Variants in CDC25C observed in about 807,000 individuals in gnomAD.
CDC25C encodes the protein M-phase inducer phosphatase 3.
Under a neutral mutation model 52.5 loss-of-function variants are expected in CDC25C, and 48 were observed. The observed-to-expected ratio is 0.91, with a 90% CI of 0.72 to 1.16. The LOEUF (loss-of-function observed/expected upper bound fraction) is 1.16, where lower values mean the gene tolerates loss of function less well. CDC25C is among the 50% of genes most tolerant of loss of function. CDC25C has a pLI of 0.00. For synonymous variants in CDC25C, 187 were observed against 206.5 expected, an observed-to-expected ratio of 0.91 and a Z score of 0.81; for missense variants, 510 against 566.1, an observed-to-expected ratio of 0.90 and a Z score of 1.01.
intron 7 of CDC25C, among the ~76,000 whole-genome samples, chr5:138,313,854 T>A (rs1315220538): frequency 2.0e-5 from 3 of 152,288 alleles, no homozygotes; most frequent in Non-Finnish European, 4.4e-5. Context: ...AACACATCTA[T>A]TCCCGCTGAA....
chr5:138,302,708 A>G (rs1029007222), intron 7 of CDC25C, among the ~76,000 whole-genome samples: 44 of 151,882 alleles, frequency 2.9e-4, no homozygotes, highest in African/African-American at 1.0e-3. Flanking sequence ...TCAAAAAAAA[A>G]AAGTAATTCA....
chr5:138,337,884 G>T, intron 1 of CDC25C: 1 of 1,115,662 alleles, frequency 9.0e-7, no homozygotes, highest in Non-Finnish European at 1.2e-6. Flanking sequence ...TGCGTGACGC[G>T]GCCCGAACCG....
exon 1 of CDC25C, chr5:138,338,232 C>G: frequency 8.2e-7 from 1 of 1,222,380 alleles, no homozygotes; most frequent in Non-Finnish European, 1.1e-6. Flanking sequence ...GCGCCAGCGC[C>G]TTTTAAGGGC....
At chr5:138,303,048 AAG>A (rs1430961079) in intron 7 of CDC25C, among the ~76,000 whole-genome samples, 2 of 152,156 alleles carry the variant, frequency 1.3e-5, no homozygotes, top group Non-Finnish European at 2.9e-5. Flanking sequence ...CAGCCTGGGC[AAG>A]AGAGTGAGAC....
intron 7 of CDC25C, among the ~76,000 whole-genome samples, chr5:138,304,694 G>T (rs770471380): frequency 5.9e-5 from 9 of 151,898 alleles, no homozygotes; most frequent in Non-Finnish European, 1.2e-4. Flanking sequence ...TTTTAGTAGT[G>T]ATGAGGTTTT....
At chr5:138,317,482 C>T (rs921415837) in intron 7 of CDC25C, among the ~76,000 whole-genome samples, 1 of 151,880 alleles carries the variant, frequency 6.6e-6, no homozygotes, top group Non-Finnish European at 1.5e-5. Flanking sequence ...GAGTTTGAGA[C>T]TAGCCTGGGC....
At chr5:138,319,885 AT>A (rs747075831) in intron 6 of CDC25C, among the ~76,000 whole-genome samples, 4 of 152,246 alleles carry the variant, frequency 2.6e-5, no homozygotes, top group Non-Finnish European at 4.4e-5. Context: ...GTGTTTGTGC[AT>A]TGCTGGTGGG....
intron 7 of CDC25C, among the ~76,000 whole-genome samples, chr5:138,297,837 T>A (rs1172795141): frequency 6.6e-6 from 1 of 152,160 alleles, no homozygotes; most frequent in Non-Finnish European, 1.5e-5. Context: ...GGGAAGTCTG[T>A]CAGGAAAGGT....
chr5:138,321,750 CAAAAAAAAAAAAA>C (rs531353746), intron 6 of CDC25C, among the ~76,000 whole-genome samples: 18 of 47,166 alleles, frequency 3.8e-4, no homozygotes, highest in Non-Finnish European at 4.8e-4. Context: ...GACTCTGTCT[CAAAAAAAAAAAAA>C]AAAAAAAAAA....
At chr5:138,325,680 T>G in intron 6 of CDC25C, 135 bp downstream of exon 6, 1 of 650,008 alleles carries the variant, frequency 1.5e-6, no homozygotes, top group South Asian at 2.1e-5. Context: ...ACAAAGAAAT[T>G]TTCTCCCCTA....
chr5:138,286,374 T>C (rs757864344), intron 12 of CDC25C, 123 bp downstream of exon 12: 15 of 1,136,986 alleles, frequency 1.3e-5, no homozygotes, highest in Middle Eastern at 3.0e-4. Flanking sequence ...TAGAAACGTC[T>C]TCCTTCAACC....
chr5:138,331,201 G>T lies in CDC25C; in HGVS notation c.-21C>A. The T allele has an allele frequency of 1.2e-6, 2 of 1,612,562 alleles. No homozygotes were observed. Among genetic ancestry groups the T allele is most frequent in the South Asian group, 1.1e-5 (1 of 91,074 alleles). Reference sequence around the variant, plus strand: ...GACATGGTCTTCGAATTCTCACCAGGAGAAAAACAAAACCTAGCTAGGAGG... The same window carrying T: ...GACATGGTCTTCGAATTCTCACCAGTAGAAAAACAAAACCTAGCTAGGAGG... On this transcript the variant is annotated 5_prime_UTR_variant, in exon 2 of 14. Coordinates refer to ENST00000323760, the MANE Select transcript of CDC25C (RefSeq NM_001790.5).
intron 7 of CDC25C, among the ~76,000 whole-genome samples, chr5:138,309,239 A>C (rs961266601): frequency 6.8e-6 from 1 of 147,688 alleles, no homozygotes; most frequent in Non-Finnish European, 1.5e-5. Flanking sequence ...AAAAAAAAAA[A>C]CATAAAAATA....
intron 7 of CDC25C, among the ~76,000 whole-genome samples, chr5:138,315,533 C>T (rs1410299414): frequency 1.3e-5 from 2 of 151,986 alleles, no homozygotes; most frequent in Non-Finnish European, 2.9e-5. Flanking sequence ...TAATGATTTA[C>T]GTATATATTA....
chr5:138,301,323 T>A (rs1044515584), intron 7 of CDC25C, among the ~76,000 whole-genome samples: 13 of 152,192 alleles, frequency 8.5e-5, no homozygotes, highest in African/African-American at 2.4e-4. Context: ...TTAACAACTT[T>A]ATGCCACTAT....
chr5:138,285,377 C>A lies in CDC25C; in HGVS notation c.*315G>T. On this transcript the variant is annotated 3_prime_UTR_variant, in exon 14 of 14. Coordinates refer to ENST00000323760, the MANE Select transcript of CDC25C (RefSeq NM_001790.5). Reference sequence around the variant, plus strand: ...ACAACGCTCTTGCATAGCCCGAAGCCCAGAGAGAAAGAGTTGGCTGGCTTG... The same window carrying A: ...ACAACGCTCTTGCATAGCCCGAAGCACAGAGAGAAAGAGTTGGCTGGCTTG... The A allele has an allele frequency of 7.0e-6, 2 of 285,366 alleles. No homozygotes were observed. Among genetic ancestry groups the A allele is most frequent in the Non-Finnish European group, 1.3e-5 (2 of 153,080 alleles). The allele number at this position is 285,366 out of a possible 1,614,324, so 17.7% of individuals were successfully genotyped here. A position where few individuals can be genotyped will look rare whatever the true frequency, so the allele number is the denominator to read the frequency against.
Position 138,322,771 on chromosome 5 carries a change from G to A in CDC25C, c.459+3044C>T, listed in dbSNP as rs559196741. On this transcript the variant is annotated intron_variant, in intron 6 of 13. Coordinates refer to ENST00000323760, the MANE Select transcript of CDC25C (RefSeq NM_001790.5). ...ATTACAGGCGTGAGCCACCGCGCCC[G>A]GCCCTGGCTAATTTTCATATTTTTT... Among the ~76,000 whole-genome samples, 16 of 151,234 alleles carry A rather than the reference G, an allele frequency of 1.1e-4. No individual in the cohort carries two copies. The South Asian group carries it at 1.7e-3, about 16-fold the overall frequency.
At chr5:138,295,482 G>A (rs1378933481) in intron 7 of CDC25C, among the ~76,000 whole-genome samples, 2 of 152,108 alleles carry the variant, frequency 1.3e-5, no homozygotes, top group South Asian at 2.1e-4. Flanking sequence ...ATATGGTAGC[G>A]TGCACCTGTA....
upstream of CDC25C, among the ~76,000 whole-genome samples, chr5:138,334,765 T>C (rs1760604584): frequency 6.6e-6 from 1 of 152,228 alleles, no homozygotes; most frequent in Admixed American, 6.5e-5. Flanking sequence ...ACTTAGCTAA[T>C]TACATGTAAG....
Sources: allele counts gnomAD v4.1 joint callset (sites outside exome capture counted in the v4.1 genomes callset), GRCh38; gene constraint gnomAD v4.1.1; transcripts MANE v1.5; gene names NCBI Gene and HGNC (gene_info 2026-07-23, HGNC 2026-07-21).